Variants in C2orf76 observed in about 807,000 individuals in gnomAD.
The protein encoded by C2orf76 is chromosome 2 open reading frame 76, also known as UPF0538 protein C2orf76.
C2orf76 carries 23 observed loss-of-function variants against 16.9 expected under a neutral mutation model. That is an observed-to-expected ratio of 1.36 (90% CI 0.98 to 1.93). The LOEUF (loss-of-function observed/expected upper bound fraction) is 1.93, where lower values mean the gene tolerates loss of function less well. C2orf76 is among the 30% of genes most tolerant of loss of function. The pLI, the probability that C2orf76 is intolerant of heterozygous loss-of-function variation, is 0.00. For synonymous variants in C2orf76, 48 were observed against 52.3 expected, an observed-to-expected ratio of 0.92 and a Z score of 0.35; for missense variants, 152 against 152.6, an observed-to-expected ratio of 1.00 and a Z score of 0.02.
intron 2 of C2orf76, among the ~76,000 whole-genome samples, chr2:119,331,509 C>A (rs774453458): frequency 6.6e-6 from 1 of 152,180 alleles, no homozygotes; most frequent in East Asian, 1.9e-4. Context: ...CTTCAAAGAT[C>A]CTCTGCAAAT....
At chr2:119,314,800 G>A (rs151283322) in intron 4 of C2orf76, among the ~76,000 whole-genome samples, 148 of 152,196 alleles carry the variant, frequency 9.7e-4, no homozygotes, top group African/African-American at 3.3e-3. Context: ...CTGATTTTAC[G>A]CTGTTGTATC....
chr2:119,359,518 T>A (rs187339736), intron 1 of C2orf76, among the ~76,000 whole-genome samples: 1 of 152,282 alleles, frequency 6.6e-6, no homozygotes, highest in Non-Finnish European at 1.5e-5. Flanking sequence ...CTAAAGGCCA[T>A]TAAAAATATT....
rs772897656 is a variant in C2orf76 at position 119,339,833 on chromosome 2, T to C, written c.127A>G (p.Lys43Glu). Residue 43 changes from lysine to glutamate, a missense_variant, in exon 2 of 6, where the codon AAG becomes GAG. By Grantham distance (56) the Lys-to-Glu change is moderately conservative. Transcript: ENST00000334816. ...QTVKEFIVFLKQDIPLRTNLP... is the reference protein window; with the variant it reads ...QTVKEFIVFLEQDIPLRTNLP... Reference sequence around the variant, plus strand: ...TGGCTTTCACATCTCATACCTTGCTTTAGAAATACGATAAATTCCTTTACA... The same window carrying C: ...TGGCTTTCACATCTCATACCTTGCTCTAGAAATACGATAAATTCCTTTACA... The C allele has an allele frequency of 6.3e-7, 1 of 1,596,690 alleles. No individual in the cohort carries two copies. The highest frequency in any genetic ancestry group is 8.6e-7 in the Non-Finnish European group (1 of 1,165,676).
chr2:119,294,433 G>C, the C2orf76 span, among the ~76,000 whole-genome samples: 1 of 152,280 alleles, frequency 6.6e-6, no homozygotes, highest in East Asian at 1.9e-4. Context: ...GTTCGGAAGG[G>C]AGAGCTGTCC....
chr2:119,338,032 A>G (rs1005615278), intron 2 of C2orf76, among the ~76,000 whole-genome samples: 1 of 152,234 alleles, frequency 6.6e-6, no homozygotes, highest in Non-Finnish European at 1.5e-5. Context: ...CAATACACAC[A>G]AAGATTATAA....
intron 3 of C2orf76, among the ~76,000 whole-genome samples, chr2:119,318,236 G>A (rs1679236074): frequency 6.6e-6 from 1 of 152,140 alleles, no homozygotes; most frequent in Non-Finnish European, 1.5e-5. Context: ...CATTCAACAG[G>A]TTGAAATTCA....
At chr2:119,359,560 T>C (rs1680678248) in intron 1 of C2orf76, among the ~76,000 whole-genome samples, 2 of 152,248 alleles carry the variant, frequency 1.3e-5, no homozygotes, top group East Asian at 1.9e-4. Flanking sequence ...AATAGCAACA[T>C]TAATAGGACT....
At chr2:119,354,054 T>C (rs1046507069) in intron 1 of C2orf76, among the ~76,000 whole-genome samples, 5 of 152,184 alleles carry the variant, frequency 3.3e-5, no homozygotes, top group Non-Finnish European at 7.3e-5. Context: ...CATGAGGCAA[T>C]GGTCACACTA....
intron 5 of C2orf76, among the ~76,000 whole-genome samples, chr2:119,308,566 A>C (rs1413316180): frequency 6.6e-6 from 1 of 152,208 alleles, no homozygotes; most frequent in Non-Finnish European, 1.5e-5. Flanking sequence ...GCTTAAACCC[A>C]GGAGGTGGAG....
At chr2:119,348,557 G>A (rs1221692934) in intron 1 of C2orf76, among the ~76,000 whole-genome samples, 3 of 151,902 alleles carry the variant, frequency 2.0e-5, no homozygotes, top group Non-Finnish European at 4.4e-5. Context: ...GTGGTGGTGC[G>A]CGCCTGTAAT....
intron 5 of C2orf76, among the ~76,000 whole-genome samples, chr2:119,304,454 C>A (rs764907040): frequency 2.0e-5 from 3 of 152,214 alleles, no homozygotes; most frequent in Non-Finnish European, 4.4e-5. Flanking sequence ...GCAAGGAGTT[C>A]TGTTTTGACA....
chr2:119,290,089 C>T, the C2orf76 span, among the ~76,000 whole-genome samples: 1 of 151,822 alleles, frequency 6.6e-6, no homozygotes. Context: ...GTAATTCCTG[C>T]GTCCCTGCCC....
chr2:119,366,438 A>G (rs1680996099), intron 1 of C2orf76: 1 of 471,750 alleles, frequency 2.1e-6, no homozygotes, highest in Non-Finnish European at 4.4e-6. Flanking sequence ...GAACGTGCCA[A>G]AAGTTCAGAG....
intron 5 of C2orf76, among the ~76,000 whole-genome samples, chr2:119,308,153 A>G (rs1253492300): frequency 1.3e-5 from 2 of 152,234 alleles, no homozygotes; most frequent in East Asian, 3.8e-4. Context: ...TCCTTTAATT[A>G]CAAGGAATAC....
At chr2:119,339,056 G>A (rs1192278068) in intron 2 of C2orf76, 1 of 152,112 alleles carries the variant, frequency 6.6e-6, no homozygotes, top group Non-Finnish European at 1.5e-5. Flanking sequence ...AGAACATCCA[G>A]GAATTCTTTG....
chr2:119,330,141 A>G (rs1218512590), intron 2 of C2orf76, among the ~76,000 whole-genome samples: 1 of 152,152 alleles, frequency 6.6e-6, no homozygotes, highest in Non-Finnish European at 1.5e-5. Context: ...TGGGAGGCTG[A>G]GGAGGGCAGA....
At chr2:119,285,501 C>G in the C2orf76 span, among the ~76,000 whole-genome samples, 1 of 152,210 alleles carries the variant, frequency 6.6e-6, no homozygotes, top group Admixed American at 6.5e-5. Flanking sequence ...TGTGTTGCGT[C>G]CTCAGTAGCT....
chr2:119,329,859 T>A (rs1679618283), intron 2 of C2orf76, among the ~76,000 whole-genome samples: 1 of 152,098 alleles, frequency 6.6e-6, no homozygotes, highest in African/African-American at 2.4e-5. Flanking sequence ...TTTAATTATT[T>A]TCAAAATAAG....
the C2orf76 span, among the ~76,000 whole-genome samples, chr2:119,289,483 C>T: frequency 3.3e-5 from 5 of 151,858 alleles, no homozygotes; most frequent in East Asian, 7.7e-4. Flanking sequence ...GTCAAGTGAT[C>T]GAGACCATCC....
Sources: gnomAD v4.1 joint callset for allele counts (sites outside exome capture counted in the v4.1 genomes callset) on GRCh38, gnomAD v4.1.1 for gene constraint, MANE v1.5 for transcripts, NCBI Gene and HGNC (gene_info 2026-07-23, HGNC 2026-07-21) for gene names.